The following HERC2 variants were observed in gnomAD, a reference collection of about 807,000 sequenced individuals.
HERC2 encodes E3 ubiquitin-protein ligase HERC2.
A neutral mutation model predicts 537.7 loss-of-function variants in HERC2; 102 were observed. That is an observed-to-expected ratio of 0.19 (90% confidence interval 0.16 to 0.22). HERC2 has a LOEUF of 0.22. Ranked by LOEUF, HERC2 falls within the 10% of genes least tolerant of loss-of-function variation. HERC2 has a pLI of 1.00. For synonymous variants in HERC2, 2,224 were observed against 2,466.2 expected, an observed-to-expected ratio of 0.90 and a Z score of 2.91; for missense variants, 4,236 against 6,198.2, an observed-to-expected ratio of 0.68 and a Z score of 10.63.
intron 53 of HERC2, 46 bp downstream of exon 53, chr15:28,191,915 A>G (rs72714143): frequency 0.1 from 157,426 of 1,546,972 alleles, 11,373 homozygotes; most frequent in East Asian, 0.3. Context: ...ACAAGGCAAA[A>G]CCATCGGTGT....
chr15:28,137,385 T>C (rs1890758595), intron 78 of HERC2, among the ~76,000 whole-genome samples: 1 of 152,248 alleles, frequency 6.6e-6, no homozygotes, highest in Non-Finnish European at 1.5e-5. Context: ...TCGCAGATAC[T>C]GTTTTTTATA....
Position 28,143,999 on chromosome 15 carries a change from G to A in HERC2, c.11300-8C>T, listed in dbSNP as rs373959383. ...ACATTCTGTGACTGGCAGCTGAAATGAGCAGAGAGAAAGTATCAGAAGTCT... is the reference window on the plus strand; with the variant it reads ...ACATTCTGTGACTGGCAGCTGAAATAAGCAGAGAGAAAGTATCAGAAGTCT... On this transcript the variant is annotated splice_region_variant and splice_polypyrimidine_tract_variant and intron_variant, in intron 73 of 92. Transcript: ENST00000261609. The A allele has an allele frequency of 3.7e-6, 6 of 1,614,038 alleles. No individual in the cohort carries two copies. Among genetic ancestry groups the A allele is most frequent in the African/African-American group, 1.3e-5 (1 of 74,920 alleles).
intron 4 of HERC2, among the ~76,000 whole-genome samples, chr15:28,291,909 GAAAAAAA>G (rs67813649): frequency 2.0e-3 from 76 of 37,960 alleles, no homozygotes; most frequent in Admixed American, 6.3e-3. Context: ...CGTCTCAAAG[GAAAAAAA>G]AAAAAAAAAA....
At position 28,177,504 on chromosome 15, in the gene HERC2, G is replaced by A; in HGVS notation, c.9169C>T (p.Arg3057Trp). Residue 3057 changes from arginine to tryptophan, a missense_variant, in exon 60 of 93, where the codon CGG becomes TGG. Coordinates refer to ENST00000261609, the MANE Select transcript of HERC2 (RefSeq NM_004667.6). This position sits in a 1 kb window ranked among gnomAD's most constrained non-coding sequence, Gnocchi z 5.0. ...VKKVAVHSGG[R>W]HATALTVDGK... ...TCGACAGTTAAAGCCGTCGCGTGCC[G>A]GCCACCTGCAACATTCACAGACACA... is the stretch of plus-strand genomic sequence containing the variant. 1.9e-6 allele frequency: 3 copies of A among 1,614,106 alleles called. No individual in the cohort carries two copies. Among genetic ancestry groups the A allele is most frequent in the Admixed American group, 1.7e-5 (1 of 60,016 alleles).
At chr15:28,192,525 T>C (rs1480449285) in intron 52 of HERC2, among the ~76,000 whole-genome samples, 1 of 152,208 alleles carries the variant, frequency 6.6e-6, no homozygotes, top group Non-Finnish European at 1.5e-5. Context: ...TCCACTTCCA[T>C]TAATGGCAAA....
intron 31 of HERC2, among the ~76,000 whole-genome samples, chr15:28,230,132 G>C (rs538297937): frequency 2.0e-5 from 3 of 152,224 alleles, no homozygotes; most frequent in Non-Finnish European, 4.4e-5. Context: ...ATATATTTAA[G>C]GAATGAATGG....
At chr15:28,165,488 T>C (rs574860041) in intron 68 of HERC2, among the ~76,000 whole-genome samples, 1 of 152,148 alleles carries the variant, frequency 6.6e-6, no homozygotes, top group South Asian at 2.1e-4. Context: ...CGTAAATATA[T>C]AACAACACAA....
At chr15:28,199,274 C>G (rs2107431) in intron 48 of HERC2, among the ~76,000 whole-genome samples, 7 of 152,282 alleles carry the variant, frequency 4.6e-5, no homozygotes, top group South Asian at 2.1e-4. Flanking sequence ...ACAGGAAGAG[C>G]CTGGATCAAC....
At chr15:28,226,475 G>A (rs1331453917) in intron 35 of HERC2, among the ~76,000 whole-genome samples, 1 of 152,004 alleles carries the variant, frequency 6.6e-6, no homozygotes, top group Non-Finnish European at 1.5e-5. Context: ...ACAGCCAACT[G>A]ATTTTTGCCA....
At chr15:28,115,162 C>G in intron 89 of HERC2, 1 of 514,594 alleles carries the variant, frequency 1.9e-6, no homozygotes, top group Non-Finnish European at 3.4e-6. Flanking sequence ...ACTCACGGCC[C>G]CCAGCTGCCC....
Position 28,177,609 on chromosome 15 carries a change from A to C in HERC2, c.9164-100T>G. The C allele has an allele frequency of 3.1e-6, 3 of 963,744 alleles. No homozygotes were observed. The highest frequency in any genetic ancestry group is 5.0e-6 in the Non-Finnish European group (3 of 597,686). 59.7% of individuals were successfully genotyped at this position (963,744 alleles called of 1,614,324 possible). Reference sequence around the variant, plus strand: ...TTGCCTGGCATATAGCACACACTCAATGAGCGTGAGCTGAATAAATGAGTA... The same window carrying C: ...TTGCCTGGCATATAGCACACACTCACTGAGCGTGAGCTGAATAAATGAGTA... On this transcript the variant is annotated intron_variant, in intron 59 of 92. Coordinates refer to ENST00000261609, the MANE Select transcript of HERC2 (RefSeq NM_004667.6). This position sits in a 1 kb window ranked among gnomAD's most constrained non-coding sequence, Gnocchi z 5.0.
At position 28,163,117 on chromosome 15, in the gene HERC2, C is replaced by T. The variant is rs1384202758; in HGVS notation, c.10723G>A (p.Gly3575Ser). The change falls in exon 69 of 93, where the codon GGC (glycine) becomes AGC (serine). Residue 3575 changes from glycine to serine, a missense_variant. Gly to Ser is a moderately conservative substitution (Grantham distance 56, BLOSUM62 0). Around this residue, in one of 27 missense-constraint regions of HERC2, gnomAD observed 356 missense variants for 450.9 expected, o/e 0.79. Coordinates refer to ENST00000261609, the MANE Select transcript of HERC2 (RefSeq NM_004667.6). Reference sequence around the variant, plus strand: ...ACCTGTGGGTAGGCGGTCCCCATGCCGGAAAGCACCGCGGAGAGCACATCC... The same window carrying T: ...ACCTGTGGGTAGGCGGTCCCCATGCTGGAAAGCACCGCGGAGAGCACATCC... Reference protein sequence around the residue: ...GRDVLSAVLSGMGTAYPQVAD... With the variant: ...GRDVLSAVLSSMGTAYPQVAD... 1.4e-5 allele frequency: 22 copies of T among 1,610,808 alleles called. No homozygotes were observed. Among genetic ancestry groups the T allele is most frequent in the East Asian group, 6.7e-5 (3 of 44,860 alleles).
intron 35 of HERC2, among the ~76,000 whole-genome samples, chr15:28,222,438 T>C (rs1262381835): frequency 6.6e-6 from 1 of 152,046 alleles, no homozygotes; most frequent in Non-Finnish European, 1.5e-5. Context: ...TAAAAGATAT[T>C]AAAATGCTCA....
At chr15:28,314,771 G>A (rs1445528484) in intron 2 of HERC2, among the ~76,000 whole-genome samples, 63 of 149,524 alleles carry the variant, frequency 4.2e-4, no homozygotes, top group African/African-American at 1.5e-3. Context: ...TGAGGCAGGA[G>A]AATTGCTTAA....
At chr15:28,185,366 T>C (rs1896211808) in intron 56 of HERC2, among the ~76,000 whole-genome samples, 2 of 152,172 alleles carry the variant, frequency 1.3e-5, no homozygotes, top group Admixed American at 1.3e-4. Flanking sequence ...CCTGTGCCTG[T>C]CTGGAGGGCC....
intron 55 of HERC2, among the ~76,000 whole-genome samples, chr15:28,187,301 T>C (rs1896399439): frequency 6.6e-6 from 1 of 152,070 alleles, no homozygotes; most frequent in Non-Finnish European, 1.5e-5. Flanking sequence ...TCAGTATATA[T>C]CACTGAATTA....
chr15:28,144,243 T>C lies in HERC2; in HGVS notation c.11141-8A>G. The C allele has an allele frequency of 6.2e-7, 1 of 1,613,436 alleles. No homozygotes were observed. On this transcript the variant is annotated splice_region_variant and splice_polypyrimidine_tract_variant and intron_variant, in intron 72 of 92. Coordinates refer to ENST00000261609, the MANE Select transcript of HERC2 (RefSeq NM_004667.6). Reference sequence around the variant, plus strand: ...AGAGGAGTTCTTTAGGGCCTGTGAATGAACACTGTAAACATCCCCGGGTTT... The same window carrying C: ...AGAGGAGTTCTTTAGGGCCTGTGAACGAACACTGTAAACATCCCCGGGTTT...
intron 26 of HERC2, among the ~76,000 whole-genome samples, chr15:28,235,046 C>A (rs1358643574): frequency 6.6e-6 from 1 of 152,058 alleles, no homozygotes; most frequent in Non-Finnish European, 1.5e-5. Flanking sequence ...CTGCTTATGG[C>A]AACTTGAGGG....
Position 28,269,402 on chromosome 15 carries a change from A to G in HERC2, c.1292T>C (p.Ile431Thr), listed in dbSNP as rs750806213. ...CACATTGGCATAGTATTTCCATCCT[A>G]TTAACCCCCAACCTATGACCTCTTG... ...SLQEVIGWGL[I>T]GWKYYANVIG... Residue 431 changes from isoleucine to threonine, a missense_variant, in exon 11 of 93, where the codon ATA (isoleucine) becomes ACA (threonine). By Grantham distance (89) the Ile-to-Thr change is moderately conservative (BLOSUM62 -1). Around this residue, in one of 27 missense-constraint regions of HERC2, gnomAD observed 491 missense variants for 559.3 expected, o/e 0.88. Transcript: ENST00000261609. 5 of 1,614,208 alleles carry G rather than the reference A, an allele frequency of 3.1e-6. No homozygotes were observed. The highest frequency in any genetic ancestry group is 3.3e-5 in the Admixed American group (2 of 60,018).
Sources: allele counts gnomAD v4.1 joint callset (sites outside exome capture counted in the v4.1 genomes callset), GRCh38; gene constraint gnomAD v4.1.1; regional missense constraint gnomAD v4.1.1; non-coding constraint Gnocchi (gnomAD v3.1); transcripts MANE v1.5; gene names NCBI Gene and HGNC (gene_info 2026-07-23, HGNC 2026-07-21).